RGS7: variants seen among roughly 807,000 people sequenced by gnomAD.
RGS7 encodes the protein regulator of G protein signaling 7.
RGS7 carries 27 observed loss-of-function variants against 81.1 expected under a neutral mutation model. That is an observed-to-expected ratio of 0.33 (90% CI 0.25 to 0.46). The LOEUF (loss-of-function observed/expected upper bound fraction) is 0.46, where lower values mean the gene tolerates loss of function less well. Among genes scored for constraint, RGS7 ranks in the 20% least tolerant of loss-of-function variants. The probability of loss-of-function intolerance (pLI) is 1.00; values close to 1 mark genes in which losing one functional copy is unlikely to be tolerated. For synonymous variants in RGS7, 208 were observed against 207.7 expected (o/e 1.00, Z -0.01); for missense variants, 396 against 607.4 (o/e 0.65, Z 3.66).
chr1:240,853,530 G>A (rs1019966798), intron 9 of RGS7, among the ~76,000 whole-genome samples: 2 of 152,078 alleles, frequency 1.3e-5, no homozygotes, highest in Non-Finnish European at 2.9e-5. Flanking sequence ...CAGAAGAACA[G>A]ACAATATCAC....
chr1:241,301,341 A>G (rs964861441), intron 2 of RGS7, among the ~76,000 whole-genome samples: 3 of 152,266 alleles, frequency 2.0e-5, no homozygotes, highest in Admixed American at 2.0e-4. Flanking sequence ...TAAAAGCATC[A>G]AACGAGTTCT....
chr1:241,155,653 T>C (rs1021677673), intron 2 of RGS7, among the ~76,000 whole-genome samples: 1 of 151,188 alleles, frequency 6.6e-6, no homozygotes, highest in Non-Finnish European at 1.5e-5. Context: ...TTAAATAAGG[T>C]TGTCAAAGGT....
At chr1:240,862,367 A>G (rs140963192) in intron 9 of RGS7, among the ~76,000 whole-genome samples, 1 of 152,322 alleles carries the variant, frequency 6.6e-6, no homozygotes, top group African/African-American at 2.4e-5. Flanking sequence ...AGTATATTTT[A>G]AAGATTCTGA....
chr1:240,800,997 T>C (rs1687932908), intron 17 of RGS7, among the ~76,000 whole-genome samples: 1 of 152,112 alleles, frequency 6.6e-6, no homozygotes. Context: ...ACCACTCATA[T>C]AAAATCTTTA....
chr1:240,808,505 A>G lies in RGS7; in HGVS notation c.1083-2179T>C, dbSNP rs1689274902. On this transcript the variant is annotated intron_variant, in intron 14 of 18. Transcript: ENST00000440928. The stretch of plus-strand genomic sequence containing the variant: ...ACAGTAATTCTATTAGGCAAGTTCT[A>G]TTATTTCCCTCATTTTAGAGAAGAG... Among the ~76,000 whole-genome samples the G allele has an allele frequency of 2.0e-5, 3 of 152,212 alleles. No homozygotes were observed. In the South Asian group the frequency reaches 6.2e-4, roughly 32 times the overall value.
At chr1:240,997,354 T>C (rs1381491674) in intron 3 of RGS7, among the ~76,000 whole-genome samples, 1 of 152,208 alleles carries the variant, frequency 6.6e-6, no homozygotes, top group East Asian at 1.9e-4. Context: ...CAACTTATTA[T>C]AGCCTTCCGG....
At position 240,874,758 on chromosome 1, in the gene RGS7, C is replaced by G. The variant is rs986454078; in HGVS notation, c.386-4639G>C. On this transcript the variant is annotated intron_variant, in intron 6 of 18. Transcript: ENST00000440928. ...GATGAGAACTTTGAAAATCTACTCT[C>G]GGCCGGGTGCAGTGGATCATGCCTG... Among the ~76,000 whole-genome samples the G allele has an allele frequency of 3.9e-5, 6 of 152,116 alleles. No homozygotes were observed. In the East Asian group the frequency reaches 1.2e-3, roughly 29 times the overall value.
intron 3 of RGS7, among the ~76,000 whole-genome samples, chr1:241,030,979 T>A (rs1427275142): frequency 6.6e-6 from 1 of 152,170 alleles, no homozygotes; most frequent in East Asian, 1.9e-4. Context: ...TAAAAATTAT[T>A]TGTATAAATT....
intron 3 of RGS7, among the ~76,000 whole-genome samples, chr1:241,016,712 C>G (rs2059262562): frequency 6.6e-6 from 1 of 152,146 alleles, no homozygotes; most frequent in Non-Finnish European, 1.5e-5. Context: ...TAGCATTTAT[C>G]AGAGTCTAAA....
chr1:241,097,308 A>C (rs1377767896), intron 3 of RGS7, among the ~76,000 whole-genome samples: 1 of 152,046 alleles, frequency 6.6e-6, no homozygotes, highest in Admixed American at 6.6e-5. Context: ...AAGAAACTAG[A>C]ACGAAGTGGG....
At chr1:241,355,282 ATTGC>A in intron 2 of RGS7, among the ~76,000 whole-genome samples, 1 of 152,236 alleles carries the variant, frequency 6.6e-6, no homozygotes, top group East Asian at 1.9e-4. Context: ...TTGCCACAAA[ATTGC>A]AAAGTGGTCT....
At chr1:240,794,378 A>G (rs1452418021) in intron 18 of RGS7, among the ~76,000 whole-genome samples, 1 of 152,196 alleles carries the variant, frequency 6.6e-6, no homozygotes, top group East Asian at 1.9e-4. Flanking sequence ...CCTGTTGATG[A>G]ATGAATGATT....
At chr1:240,883,833 T>C (rs1666850633) in intron 6 of RGS7, among the ~76,000 whole-genome samples, 1 of 152,042 alleles carries the variant, frequency 6.6e-6, no homozygotes, top group Non-Finnish European at 1.5e-5. Flanking sequence ...CCCAGCACTT[T>C]GGGAGGCTGA....
intron 10 of RGS7, chr1:240,823,190 T>C (rs1315979452): frequency 2.1e-6 from 2 of 970,754 alleles, no homozygotes; most frequent in Admixed American, 3.4e-5. Context: ...GTATGCAGGA[T>C]AAGCGTGTCC....
At chr1:240,806,395 G>T in intron 14 of RGS7, 69 bp from the exon 15 acceptor site, 1 of 1,453,174 alleles carries the variant, frequency 6.9e-7, no homozygotes, top group Non-Finnish European at 9.7e-7. Context: ...TGACATTTAC[G>T]GATCATGCAG....
chr1:241,247,414 G>A (rs562672925), intron 2 of RGS7, among the ~76,000 whole-genome samples: 20 of 152,242 alleles, frequency 1.3e-4, no homozygotes, highest in Middle Eastern at 6.8e-3. Context: ...TGATGAAGGG[G>A]GCCTGCCGCT....
At chr1:241,112,234 T>C (rs1364775542) in intron 2 of RGS7, among the ~76,000 whole-genome samples, 3 of 152,132 alleles carry the variant, frequency 2.0e-5, no homozygotes, top group Non-Finnish European at 4.4e-5. Context: ...CAAGAAATGT[T>C]ACTTAAGTAA....
At chr1:241,067,155 C>A (rs2062110286) in intron 3 of RGS7, among the ~76,000 whole-genome samples, 1 of 152,152 alleles carries the variant, frequency 6.6e-6, no homozygotes, top group African/African-American at 2.4e-5. Context: ...GTTTGTCTTT[C>A]TTGTGGCCTC....
intron 3 of RGS7, among the ~76,000 whole-genome samples, chr1:241,082,213 A>G (rs1327187997): frequency 6.6e-6 from 1 of 152,206 alleles, no homozygotes; most frequent in Non-Finnish European, 1.5e-5. Context: ...TTGTAAGTCA[A>G]TGGAAGCTGT....
Sources: allele counts gnomAD v4.1 joint callset (sites outside exome capture counted in the v4.1 genomes callset), GRCh38; gene constraint gnomAD v4.1.1; transcripts MANE v1.5; gene names NCBI Gene and HGNC (gene_info 2026-07-23, HGNC 2026-07-21).